Variants in ANKS1B observed in about 807,000 individuals in gnomAD.
The protein encoded by ANKS1B is ankyrin repeat and sterile alpha motif domain containing 1B, also known as ankyrin repeat and sterile alpha motif domain-containing protein 1B.
In ANKS1B, 36 loss-of-function variants were observed where a neutral mutation model predicts 148.3. That is an observed-to-expected ratio of 0.24 (90% CI 0.19 to 0.32). The LOEUF (loss-of-function observed/expected upper bound fraction) is 0.32, where lower values mean the gene tolerates loss of function less well. Ranked by LOEUF, ANKS1B falls within the 10% of genes least tolerant of loss-of-function variation. The probability of loss-of-function intolerance (pLI) is 1.00; values close to 1 mark genes in which losing one functional copy is unlikely to be tolerated. For synonymous variants in ANKS1B, 542 were observed against 560.8 expected (o/e 0.97, Z 0.47); for missense variants, 1,157 against 1,542.6 (o/e 0.75, Z 4.19).
intron 17 of ANKS1B, among the ~76,000 whole-genome samples, chr12:99,037,796 C>T (rs1313083569): frequency 6.6e-6 from 1 of 152,160 alleles, no homozygotes; most frequent in Non-Finnish European, 1.5e-5. Context: ...AAATAATTTA[C>T]ATTCCTGCTG....
intron 12 of ANKS1B, among the ~76,000 whole-genome samples, chr12:99,260,969 C>A (rs2075866572): frequency 6.6e-6 from 1 of 152,110 alleles, no homozygotes; most frequent in African/African-American, 2.4e-5. Flanking sequence ...CAGGTTGGGG[C>A]CTCATGTAAT....
intron 19 of ANKS1B, among the ~76,000 whole-genome samples, chr12:98,825,719 C>T (rs2099243631): frequency 6.6e-6 from 1 of 151,988 alleles, no homozygotes; most frequent in East Asian, 1.9e-4. Context: ...CCATCACTCT[C>T]TTATTGTTCA....
At chr12:99,715,029 T>A (rs2057121973) in intron 8 of ANKS1B, among the ~76,000 whole-genome samples, 1 of 151,366 alleles carries the variant, frequency 6.6e-6, no homozygotes, top group South Asian at 2.1e-4. Context: ...CTCGGGAGGC[T>A]AAGGCAGGAG....
intron 12 of ANKS1B, among the ~76,000 whole-genome samples, chr12:99,362,962 AATT>A (rs1334335789): frequency 2.6e-5 from 4 of 152,172 alleles, no homozygotes; most frequent in East Asian, 3.9e-4. Context: ...AAGAGTAAAT[AATT>A]ATTATTTCCA....
chr12:99,175,775 G>A (rs1007288473), intron 14 of ANKS1B, among the ~76,000 whole-genome samples: 4 of 152,110 alleles, frequency 2.6e-5, no homozygotes, highest in African/African-American at 9.7e-5. Context: ...AGGCTTCCAG[G>A]CTCCACCTAC....
At chr12:98,897,705 C>G (rs2099766710) in intron 17 of ANKS1B, among the ~76,000 whole-genome samples, 1 of 152,158 alleles carries the variant, frequency 6.6e-6, no homozygotes, top group Non-Finnish European at 1.5e-5. Context: ...ACCCAGCAAT[C>G]CCAATACTGG....
At chr12:99,423,685 C>T (rs1446123363) in intron 11 of ANKS1B, among the ~76,000 whole-genome samples, 1 of 152,084 alleles carries the variant, frequency 6.6e-6, no homozygotes, top group African/African-American at 2.4e-5. Context: ...ATGTCCTTTG[C>T]AGGAACATGG....
intron 9 of ANKS1B, among the ~76,000 whole-genome samples, chr12:99,580,447 C>T (rs2097559595): frequency 6.6e-6 from 1 of 151,930 alleles, no homozygotes; most frequent in African/African-American, 2.4e-5. Flanking sequence ...CAGAACATTG[C>T]TCAAAGAAAT....
intron 14 of ANKS1B, among the ~76,000 whole-genome samples, chr12:99,240,900 G>A (rs1028968583): frequency 1.2e-4 from 18 of 152,188 alleles, no homozygotes; most frequent in African/African-American, 3.4e-4. Context: ...TTAAAGCAGC[G>A]TGTAGAGGGA....
intron 8 of ANKS1B, among the ~76,000 whole-genome samples, chr12:99,661,301 T>A (rs149369923): frequency 8.6e-4 from 131 of 152,220 alleles, no homozygotes; most frequent in East Asian, 4.6e-3. Context: ...TAGGTATAGA[T>A]GAGAAGAAGT....
chr12:99,105,933 T>C (rs1320922775), intron 15 of ANKS1B, among the ~76,000 whole-genome samples: 3 of 152,148 alleles, frequency 2.0e-5, no homozygotes, highest in East Asian at 1.9e-4. Flanking sequence ...GACCTGATTT[T>C]GAAGAGGCTG....
chr12:99,010,695 A>G (rs1402377631), intron 17 of ANKS1B, among the ~76,000 whole-genome samples: 1 of 152,000 alleles, frequency 6.6e-6, no homozygotes, highest in Non-Finnish European at 1.5e-5. Flanking sequence ...GGAAATAAAA[A>G]TATAAACAAA....
intron 17 of ANKS1B, among the ~76,000 whole-genome samples, chr12:99,041,514 G>A (rs1568510453): frequency 6.6e-6 from 1 of 152,044 alleles, no homozygotes; most frequent in African/African-American, 2.4e-5. Context: ...TGGGGTTCCT[G>A]TCCCCCAGTT....
chr12:99,918,385 C>T (rs1343948321), intron 1 of ANKS1B, among the ~76,000 whole-genome samples: 1 of 152,192 alleles, frequency 6.6e-6, no homozygotes, highest in Admixed American at 6.5e-5. Context: ...GAGTGGAACA[C>T]TTTCACCAGA....
intron 14 of ANKS1B, among the ~76,000 whole-genome samples, chr12:99,234,639 G>A (rs184328293): frequency 6.6e-5 from 10 of 152,128 alleles, no homozygotes; most frequent in East Asian, 1.9e-4. Context: ...ATATGCCATC[G>A]TGCATCTCTA....
intron 1 of ANKS1B, among the ~76,000 whole-genome samples, chr12:99,925,175 C>T (rs368049482): frequency 6.6e-6 from 1 of 152,190 alleles, no homozygotes; most frequent in South Asian, 2.1e-4. Flanking sequence ...TAGGCGCTCA[C>T]AAGAATTTAA....
At chr12:98,742,723 C>T (rs536862078), downstream of ANKS1B, among the ~76,000 whole-genome samples, 4 of 152,246 alleles carry the variant, frequency 2.6e-5, no homozygotes, top group African/African-American at 7.2e-5. Flanking sequence ...TTCAAAGCGC[C>T]GTCTCTGCCG....
chr12:99,742,338 A>C (rs1388455933), intron 8 of ANKS1B, among the ~76,000 whole-genome samples: 1 of 152,090 alleles, frequency 6.6e-6, no homozygotes, highest in Non-Finnish European at 1.5e-5. Flanking sequence ...AAACATTCCC[A>C]GAAAAATTAA....
chr12:99,278,991 G>A lies in ANKS1B; in HGVS notation c.1757-32127C>T, dbSNP rs558656264. 2.5e-4 allele frequency among the ~76,000 whole-genome samples: 38 copies of A among 152,168 alleles called. No individual in the cohort carries two copies. The South Asian group carries it at 6.7e-3, about 27-fold the overall frequency. On this transcript the variant is annotated intron_variant, in intron 12 of 26. Coordinates refer to ENST00000683438, the MANE Select transcript of ANKS1B (RefSeq NM_001352186.2). ...AAATCTGACTCTTTCACTAGATTGC[G>A]AATCCCCTGAAGACAAAGACTGTGG... is the stretch of plus-strand genomic sequence containing the variant.
Sources: allele counts gnomAD v4.1 joint callset (sites outside exome capture counted in the v4.1 genomes callset), GRCh38; gene constraint gnomAD v4.1.1; transcripts MANE v1.5; gene names NCBI Gene and HGNC (gene_info 2026-07-23, HGNC 2026-07-21).